MSH3: variants seen among roughly 807,000 people sequenced by gnomAD.
MSH3 encodes mutS homolog 3.
In MSH3, 106 loss-of-function variants were observed where a neutral mutation model predicts 123.3. The ratio of observed to expected loss-of-function variants is 0.86; its 90% CI spans 0.73 to 1.01. The LOEUF is 1.01. Ranked by LOEUF, MSH3 falls within the 50% of genes least tolerant of loss-of-function variation. MSH3 has a pLI of 0.00. For missense variants in MSH3, 1,459 were observed against 1,347.6 expected (o/e 1.08, Z -1.29); for synonymous variants, 515 against 481.4 (o/e 1.07, Z -0.91).
rs2112884396 is a variant in MSH3 at position 80,768,022 on chromosome 5, C to T, written c.1986C>T (p.His662=). 2 of 1,613,674 alleles carry T rather than the reference C, an allele frequency of 1.2e-6. No individual in the cohort carries two copies. The highest frequency in any genetic ancestry group is 1.7e-6 in the Non-Finnish European group (2 of 1,179,670). The change falls in exon 14 of 24, where the codon CAC becomes CAT. Residue 662 remains histidine (H), a synonymous_variant. Transcript: ENST00000265081. The part of the protein sequence containing the change: ...FQAIIPAVNS[H]IQSDLLRTVI... ...CAATAATACCTGCTGTTAATTCCCA[C>T]ATTCAGTCAGACTTGCTCCGGACCG...
intron 13 of MSH3, among the ~76,000 whole-genome samples, chr5:80,763,694 T>C (rs1444472134): frequency 2.6e-5 from 4 of 152,196 alleles, no homozygotes; most frequent in Non-Finnish European, 5.9e-5. Flanking sequence ...AAAGTCAAAG[T>C]GTCCATGGCA....
At position 80,814,427 on chromosome 5, in the gene MSH3, A is replaced by G. The variant is rs551698019; in HGVS notation, c.2813+686A>G. On this transcript the variant is annotated intron_variant, in intron 20 of 23. Transcript: ENST00000265081. Reference sequence around the variant, plus strand: ...GCTGGGATTACAGGTGCCTGCCACCACGCCCAGCTGATTTTTGTATTTTTA... The same window carrying G: ...GCTGGGATTACAGGTGCCTGCCACCGCGCCCAGCTGATTTTTGTATTTTTA... Among the ~76,000 whole-genome samples the G allele has an allele frequency of 6.4e-4, 97 of 152,238 alleles. 1 individual carries two copies. The highest frequency in any genetic ancestry group is 1.2e-3 in the Non-Finnish European group (81 of 68,022).
intron 19 of MSH3, among the ~76,000 whole-genome samples, chr5:80,812,608 G>T (rs1745028155): frequency 8.0e-6 from 1 of 125,784 alleles, no homozygotes. Context: ...TTTTGAGATG[G>T]AGTCTCACTC....
Position 80,679,806 on chromosome 5 carries a change from C to A in MSH3, c.1340+713C>A, listed in dbSNP as rs140726643. Reference sequence around the variant, plus strand: ...GTATTAAGTGCTAAACGTGAAGGTGCCTTGTTGGAAAGACTCCGTACTGCC... The same window carrying A: ...GTATTAAGTGCTAAACGTGAAGGTGACTTGTTGGAAAGACTCCGTACTGCC... On this transcript the variant is annotated intron_variant, in intron 8 of 23. Coordinates refer to ENST00000265081, the MANE Select transcript of MSH3 (RefSeq NM_002439.5). Among the ~76,000 whole-genome samples, 583 of 152,272 alleles carry A rather than the reference C, an allele frequency of 3.8e-3. 4 individuals are homozygous for A. Among genetic ancestry groups the A allele is most frequent in the African/African-American group, 0.013 (544 of 41,544 alleles).
chr5:80,664,583 G>A (rs1341477191), intron 2 of MSH3, among the ~76,000 whole-genome samples: 1 of 152,224 alleles, frequency 6.6e-6, no homozygotes, highest in Non-Finnish European at 1.5e-5. Flanking sequence ...AGGAAGGACA[G>A]TTGTCTTTGA....
chr5:80,737,622 T>G (rs539007896), intron 10 of MSH3, among the ~76,000 whole-genome samples: 1 of 152,290 alleles, frequency 6.6e-6, no homozygotes, highest in East Asian at 1.9e-4. Flanking sequence ...AGGTCAGTGA[T>G]CGGATACTAT....
chr5:80,779,658 C>T (rs1744374427), intron 17 of MSH3, among the ~76,000 whole-genome samples: 1 of 150,698 alleles, frequency 6.6e-6, no homozygotes, highest in Admixed American at 6.6e-5. Context: ...TCTCCCACCT[C>T]AGTCATTCTC....
chr5:80,737,692 T>G (rs575581582), intron 10 of MSH3, among the ~76,000 whole-genome samples: 2 of 152,234 alleles, frequency 1.3e-5, no homozygotes, highest in East Asian at 3.9e-4. Flanking sequence ...ATAATTCTAA[T>G]GGAAATAGGT....
In MSH3 at chr5:80,705,774, C is replaced by T. The variant is rs968460650; in HGVS notation, c.1341-19679C>T. On this transcript the variant is annotated intron_variant, in intron 8 of 23. Coordinates refer to ENST00000265081, the MANE Select transcript of MSH3 (RefSeq NM_002439.5). The stretch of plus-strand genomic sequence containing the variant: ...ACCTCCTTCTTACGTCTCTTCATAT[C>T]GTCTTTCCTCCATGCATGTCTCTGT... Among the ~76,000 whole-genome samples, 103 of 152,240 alleles carry T rather than the reference C, an allele frequency of 6.8e-4. 1 individual carries two copies. Among genetic ancestry groups the T allele is most frequent in the Non-Finnish European group, 5.4e-4 (37 of 68,020 alleles).
At chr5:80,719,915 A>G (rs1344037510) in intron 8 of MSH3, among the ~76,000 whole-genome samples, 3 of 152,204 alleles carry the variant, frequency 2.0e-5, no homozygotes, top group African/African-American at 4.8e-5. Flanking sequence ...AGCGCCGAGT[A>G]CTGGGCCTCA....
intron 20 of MSH3, among the ~76,000 whole-genome samples, chr5:80,822,384 A>G (rs1218463426): frequency 1.3e-5 from 2 of 152,222 alleles, no homozygotes; most frequent in African/African-American, 4.8e-5. Flanking sequence ...GGAATTAAAT[A>G]AAGTACATGA....
chr5:80,767,025 T>C (rs931601595), intron 13 of MSH3, among the ~76,000 whole-genome samples: 1 of 152,296 alleles, frequency 6.6e-6, no homozygotes, highest in East Asian at 1.9e-4. Flanking sequence ...ATATATTCAA[T>C]GTATGTTGAA....
chr5:80,688,458 G>A (rs922131600), intron 8 of MSH3, among the ~76,000 whole-genome samples: 1 of 152,060 alleles, frequency 6.6e-6, no homozygotes, highest in Non-Finnish European at 1.5e-5. Context: ...TGTCACTTAT[G>A]GTGACACGTG....
Position 80,689,624 on chromosome 5 carries a change from G to C in MSH3, c.1340+10531G>C, listed in dbSNP as rs564934737. Among the ~76,000 whole-genome samples the C allele has an allele frequency of 4.6e-5, 7 of 151,480 alleles. No individual in the cohort carries two copies. In the South Asian group the frequency reaches 1.5e-3, roughly 32 times the overall value. ...TGAAACAAATAAAATATAAATGAAT[G>C]ATTGTTTGGTATGAAGGGTGATGTT... On this transcript the variant is annotated intron_variant, in intron 8 of 23. Coordinates refer to ENST00000265081, the MANE Select transcript of MSH3 (RefSeq NM_002439.5).
intron 17 of MSH3, among the ~76,000 whole-genome samples, chr5:80,782,402 T>C (rs1474225625): frequency 1.3e-5 from 2 of 152,154 alleles, no homozygotes; most frequent in Non-Finnish European, 2.9e-5. Context: ...GTATAACTGC[T>C]ATTTATTTAT....
At chr5:80,664,875 G>A (rs1028897417) in intron 2 of MSH3, among the ~76,000 whole-genome samples, 4 of 150,648 alleles carry the variant, frequency 2.7e-5, no homozygotes, top group African/African-American at 9.8e-5. Flanking sequence ...ATGGGCTTAT[G>A]TCTTCAAAAA....
intron 9 of MSH3, 121 bp downstream of exon 9, chr5:80,725,686 G>T: frequency 1.4e-6 from 1 of 739,970 alleles, no homozygotes; most frequent in Non-Finnish European, 2.4e-6. Flanking sequence ...GAGAAGAAGA[G>T]CTCACTGTTG....
rs1179389233 is a variant in MSH3, at chr5:80,781,161, T to C, written c.2435+2325T>C. On this transcript the variant is annotated intron_variant, in intron 17 of 23. Coordinates refer to ENST00000265081, the MANE Select transcript of MSH3 (RefSeq NM_002439.5). The stretch of plus-strand genomic sequence containing the variant: ...TTTCTTTTCTATTTCACTTTTAATT[T>C]TCTATTTTAAGGGTTTTCAGGGCCT... Among the ~76,000 whole-genome samples the C allele has an allele frequency of 3.3e-5, 5 of 152,172 alleles. 1 individual carries two copies. The highest frequency in any genetic ancestry group is 1.5e-5 in the Non-Finnish European group (1 of 68,038).
At chr5:80,765,129 G>T (rs914878560) in intron 13 of MSH3, among the ~76,000 whole-genome samples, 12 of 152,192 alleles carry the variant, frequency 7.9e-5, no homozygotes, top group Non-Finnish European at 1.8e-4. Context: ...ACAACCTGCT[G>T]CCTCTGGCTT....
Sources: allele counts gnomAD v4.1 joint callset (sites outside exome capture counted in the v4.1 genomes callset), GRCh38; gene constraint gnomAD v4.1.1; transcripts MANE v1.5; gene names NCBI Gene and HGNC (gene_info 2026-07-23, HGNC 2026-07-21).